Variants in SOX6 observed in about 807,000 individuals in gnomAD.
SOX6 encodes transcription factor SOX-6.
In SOX6, 11 loss-of-function variants were observed where a neutral mutation model predicts 97.8. The observed-to-expected ratio is 0.11, with a 90% CI of 0.07 to 0.19. SOX6 has a LOEUF of 0.19. SOX6 is among the 10% of genes least tolerant of loss of function. The pLI is 1.00. For synonymous variants in SOX6, 360 were observed against 371.4 expected, an observed-to-expected ratio of 0.97 and a Z score of 0.35; for missense variants, 810 against 1,039.5, an observed-to-expected ratio of 0.78 and a Z score of 3.04.
chr11:16,497,803 A>T (rs192271727), intron 4 of SOX6, among the ~76,000 whole-genome samples: 3,064 of 152,358 alleles, frequency 0.02, 48 homozygotes, highest in Middle Eastern at 0.037. Flanking sequence ...GCCTCCAAGA[A>T]ATATGGGACT....
chr11:16,152,763 CTT>C (rs5789940), intron 6 of SOX6, among the ~76,000 whole-genome samples: 89 of 148,180 alleles, frequency 6.0e-4, no homozygotes, highest in Non-Finnish European at 7.6e-4. Context: ...ATTAGAATTA[CTT>C]TTTTTTTTTT....
rs1031212177 is a variant in SOX6 at position 16,525,954 on chromosome 11, G to A, written n.610-49566C>T. ...ATGAGATACCATCTCACACCAGTTA[G>A]AGTGGCGATCATTAAAAAGTCAGGA... is the stretch of plus-strand genomic sequence containing the variant. On this transcript the variant is annotated intron_variant and non_coding_transcript_variant, in intron 4 of 5. Transcript: ENST00000524520. 8.5e-5 allele frequency among the ~76,000 whole-genome samples: 13 copies of A among 152,312 alleles called. No individual in the cohort carries two copies. The East Asian group carries it at 9.6e-4, about 11-fold the overall frequency.
intron 9 of SOX6, among the ~76,000 whole-genome samples, chr11:16,068,533 CT>C (rs1415621263): frequency 1.3e-5 from 2 of 152,040 alleles, no homozygotes; most frequent in Non-Finnish European, 2.9e-5. Flanking sequence ...AACTGAAGTC[CT>C]TTTTTTCAGC....
At chr11:16,406,662 G>T (rs1858692985) in intron 1 of SOX6, among the ~76,000 whole-genome samples, 1 of 151,996 alleles carries the variant, frequency 6.6e-6, no homozygotes, top group South Asian at 2.1e-4. Flanking sequence ...TAGTCGTGAG[G>T]ACAAATGCCC....
At chr11:16,021,957 T>G (rs562677053) in intron 12 of SOX6, among the ~76,000 whole-genome samples, 2 of 152,218 alleles carry the variant, frequency 1.3e-5, no homozygotes, top group East Asian at 3.9e-4. Context: ...AAAGAATTTT[T>G]ATATGGGTTA....
At chr11:16,338,906 A>C (rs1856545702) in intron 2 of SOX6, among the ~76,000 whole-genome samples, 1 of 152,098 alleles carries the variant, frequency 6.6e-6, no homozygotes, top group Admixed American at 6.6e-5. Context: ...GGCATTTATC[A>C]AGATACAAAC....
intron 3 of SOX6, among the ~76,000 whole-genome samples, chr11:16,626,881 T>TC (rs1451873516): frequency 1.3e-5 from 2 of 152,204 alleles, no homozygotes; most frequent in African/African-American, 4.8e-5. Context: ...TACCTGGGCA[T>TC]ACTGCGTGAT....
At chr11:16,414,685 T>C (rs1034080953) in intron 1 of SOX6, among the ~76,000 whole-genome samples, 1 of 151,866 alleles carries the variant, frequency 6.6e-6, no homozygotes, top group Non-Finnish European at 1.5e-5. Context: ...GCTATGGGAG[T>C]TCAGATCACA....
intron 3 of SOX6, among the ~76,000 whole-genome samples, chr11:16,622,251 A>G (rs1848554737): frequency 6.6e-6 from 1 of 152,086 alleles, no homozygotes; most frequent in Non-Finnish European, 1.5e-5. Context: ...GTATATTTTA[A>G]GCTTTTGTGT....
intron 9 of SOX6, among the ~76,000 whole-genome samples, chr11:16,090,522 C>G (rs1230773731): frequency 1.3e-5 from 2 of 151,996 alleles, no homozygotes; most frequent in Non-Finnish European, 2.9e-5. Context: ...ATTTCTTTAG[C>G]CTCCATTAGG....
At chr11:16,221,865 T>G (rs553694478) in intron 4 of SOX6, among the ~76,000 whole-genome samples, 1 of 152,136 alleles carries the variant, frequency 6.6e-6, no homozygotes, top group Admixed American at 6.6e-5. Flanking sequence ...AGTAAAAGAT[T>G]CATTCAAAGT....
At position 15,986,353 on chromosome 11, in the gene SOX6, G is replaced by A; in HGVS notation, c.2034C>T (p.Ser678=). 6.2e-7 allele frequency: 1 copy of A among 1,614,066 alleles called. No individual in the cohort carries two copies. Among genetic ancestry groups the A allele is most frequent in the Non-Finnish European group, 8.5e-7 (1 of 1,180,008 alleles). Residue 678 remains serine, a synonymous_variant, in exon 15 of 16, where the codon AGC becomes AGT. Coordinates refer to ENST00000683767, the MANE Select transcript of SOX6 (RefSeq NM_001367873.1). ...TTGGGTACTTCTCTAAGTGGATCTT[G>A]CTTAGCCGGGCCTGCTCTTCATAAT... is the stretch of plus-strand genomic sequence containing the variant. The part of the protein sequence containing the change: ...QPYYEEQARL[S]KIHLEKYPNY...
chr11:16,121,639 T>C (rs1299359592), intron 6 of SOX6, among the ~76,000 whole-genome samples: 1 of 151,988 alleles, frequency 6.6e-6, no homozygotes, highest in Non-Finnish European at 1.5e-5. Context: ...AAAAATTCCA[T>C]TAAGTATCTT....
intron 3 of SOX6, among the ~76,000 whole-genome samples, chr11:16,644,880 C>T (rs1291617805): frequency 6.6e-6 from 1 of 152,144 alleles, no homozygotes; most frequent in East Asian, 1.9e-4. Context: ...AAAATTTTGT[C>T]ACATTGTCTA....
intron 6 of SOX6, among the ~76,000 whole-genome samples, chr11:16,171,120 A>G (rs1851026007): frequency 6.6e-6 from 1 of 152,096 alleles, no homozygotes; most frequent in Admixed American, 6.6e-5. Flanking sequence ...TCTAGCAAAG[A>G]TAATCTTTCC....
At chr11:16,553,710 T>C (rs66601782) in intron 4 of SOX6, among the ~76,000 whole-genome samples, 22,664 of 152,038 alleles carry the variant, frequency 0.15, 1,762 homozygotes, top group Non-Finnish European at 0.16. Flanking sequence ...TAACATAGAT[T>C]GGTGCTCCTA....
intron 4 of SOX6, among the ~76,000 whole-genome samples, chr11:16,527,330 G>A (rs531108728): frequency 6.6e-6 from 1 of 152,154 alleles, no homozygotes; most frequent in South Asian, 2.1e-4. Context: ...CCCTCAGCTG[G>A]AACCTGCTCT....
intron 4 of SOX6, among the ~76,000 whole-genome samples, chr11:16,557,476 A>C (rs565443292): frequency 3.3e-5 from 5 of 151,818 alleles, no homozygotes; most frequent in Non-Finnish European, 1.5e-5. Flanking sequence ...GTCCCAGCTT[A>C]TCAATTTACC....
At chr11:16,425,035 C>A (rs969429330) in intron 1 of SOX6, among the ~76,000 whole-genome samples, 2 of 152,220 alleles carry the variant, frequency 1.3e-5, no homozygotes, top group Non-Finnish European at 2.9e-5. Context: ...GGAAGTTAGC[C>A]ACTCAACTTT....
Sources: allele counts gnomAD v4.1 joint callset (sites outside exome capture counted in the v4.1 genomes callset), GRCh38; gene constraint gnomAD v4.1.1; transcripts MANE v1.5; gene names NCBI Gene and HGNC (gene_info 2026-07-23, HGNC 2026-07-21).